The following FAM13B variants were observed in gnomAD, a reference collection of about 807,000 sequenced individuals.
The protein encoded by FAM13B is protein FAM13B.
In FAM13B, 60 loss-of-function variants were observed where a neutral mutation model predicts 117.3. That is an observed-to-expected ratio of 0.51 (90% CI 0.42 to 0.63). The LOEUF (loss-of-function observed/expected upper bound fraction) is 0.63, where lower values mean the gene tolerates loss of function less well. Among genes scored for constraint, FAM13B ranks in the 30% least tolerant of loss-of-function variants. The pLI is 0.00. For synonymous variants in FAM13B, 332 were observed against 356.1 expected, an observed-to-expected ratio of 0.93 and a Z score of 0.76; for missense variants, 972 against 1,091.9, an observed-to-expected ratio of 0.89 and a Z score of 1.55.
chr5:137,983,810 A>G (rs1350889616), intron 10 of FAM13B, among the ~76,000 whole-genome samples: 1 of 152,184 alleles, frequency 6.6e-6, no homozygotes, highest in Non-Finnish European at 1.5e-5. Flanking sequence ...GAAAAGCAAA[A>G]TGCAGTTCAG....
chr5:137,961,113 A>C (rs943242935), intron 11 of FAM13B, among the ~76,000 whole-genome samples: 2 of 152,212 alleles, frequency 1.3e-5, no homozygotes, highest in Non-Finnish European at 2.9e-5. Flanking sequence ...GCTTAAAGGC[A>C]TTCCTTTGCT....
upstream of FAM13B, among the ~76,000 whole-genome samples, chr5:138,037,971 G>A (rs1791316402): frequency 6.6e-6 from 1 of 152,068 alleles, no homozygotes. Flanking sequence ...AGTCAAATAG[G>A]GAAACAGACT....
intron 6 of FAM13B, among the ~76,000 whole-genome samples, chr5:138,008,837 A>G (rs552704666): frequency 6.6e-6 from 1 of 152,320 alleles, no homozygotes; most frequent in African/African-American, 2.4e-5. Flanking sequence ...TGGGTCACTA[A>G]AAAGTCATTA....
intron 2 of FAM13B, 29 bp from the exon 3 acceptor site, chr5:138,019,175 C>A: frequency 6.5e-7 from 1 of 1,539,422 alleles, no homozygotes; most frequent in Non-Finnish European, 8.9e-7. Flanking sequence ...AAAAAAAAGA[C>A]TATAATGATT....
chr5:137,963,733 C>G (rs1407749298), intron 10 of FAM13B, among the ~76,000 whole-genome samples: 1 of 152,162 alleles, frequency 6.6e-6, no homozygotes, highest in Admixed American at 6.6e-5. Flanking sequence ...GGAGTGAGCA[C>G]TATGGCATGA....
intron 23 of FAM13B, 116 bp downstream of exon 23, chr5:137,941,828 C>G: frequency 1.2e-6 from 1 of 815,314 alleles, no homozygotes; most frequent in Non-Finnish European, 1.9e-6. Context: ...TAAAATTTTT[C>G]AGTGCTAGCA....
chr5:137,940,903 T>C (rs78885846), intron 23 of FAM13B, among the ~76,000 whole-genome samples: 1,734 of 152,222 alleles, frequency 0.011, 27 homozygotes, highest in African/African-American at 0.04. Flanking sequence ...ATTTCTGCAC[T>C]TCAATTTATT....
chr5:138,033,112 G>A (rs376299698), upstream of FAM13B: 770 of 927,652 alleles, frequency 8.3e-4, 6 homozygotes, highest in East Asian at 0.032. Context: ...CGTGACGTGC[G>A]TGGGAGGGGG....
At chr5:138,038,249 G>T (rs1791342442) in intron 1 of FAM13B, among the ~76,000 whole-genome samples, 1 of 152,098 alleles carries the variant, frequency 6.6e-6, no homozygotes, top group Non-Finnish European at 1.5e-5. Flanking sequence ...TCTGAGCCTT[G>T]TAAGTTACAG....
chr5:137,973,066 T>C (rs1379171455), intron 10 of FAM13B, among the ~76,000 whole-genome samples: 2 of 152,100 alleles, frequency 1.3e-5, no homozygotes, highest in African/African-American at 4.8e-5. Context: ...GCCATCCCCA[T>C]CAAGCTACCA....
intron 10 of FAM13B, among the ~76,000 whole-genome samples, chr5:137,967,478 G>A (rs576066294): frequency 6.6e-6 from 1 of 152,020 alleles, no homozygotes; most frequent in African/African-American, 2.4e-5. Flanking sequence ...GGCTGAGATC[G>A]CACCACTGCA....
intron 4 of FAM13B, among the ~76,000 whole-genome samples, chr5:138,015,221 C>G (rs1401467157): frequency 6.6e-6 from 1 of 152,160 alleles, no homozygotes; most frequent in Non-Finnish European, 1.5e-5. Flanking sequence ...ATCAACAGTA[C>G]CAAGGCTGTG....
rs1561536639 is a variant in FAM13B at position 138,018,993 on chromosome 5, A to G, written c.119T>C (p.Phe40Ser). The stretch of plus-strand genomic sequence containing the variant: ...ATAGTCCACAACGTGGCGGACTATG[A>G]ATGGAACCTCATTGTCTGGATGTCC... ...QGGHPDNEVP[F>S]IVRHVVDYIE... Residue 40 changes from phenylalanine (F) to serine (S), a missense_variant, in exon 3 of 24, where the codon TTC becomes TCC. Phe to Ser is a radical substitution (Grantham distance 155, BLOSUM62 -2). Coordinates refer to ENST00000689681, the MANE Select transcript of FAM13B (RefSeq NM_001385994.1). The G allele has an allele frequency of 6.2e-7, 1 of 1,614,188 alleles. No homozygotes were observed. The highest frequency in any genetic ancestry group is 1.6e-4 in the Middle Eastern group (1 of 6,062).
rs1458823210 is a variant in FAM13B at position 137,940,047 on chromosome 5, C to G, written c.*178G>C. On this transcript the variant is annotated 3_prime_UTR_variant, in exon 24 of 24. Transcript: ENST00000689681. ...TAATATGGAACATCACTTACGCTCC[C>G]TTGAGAGGGCCTACTTACTCTCCCA... 6.2e-7 allele frequency: 1 copy of G among 1,613,740 alleles called. No individual in the cohort carries two copies.
chr5:137,992,796 T>C (rs1778945026), intron 7 of FAM13B, among the ~76,000 whole-genome samples: 1 of 152,182 alleles, frequency 6.6e-6, no homozygotes, highest in Non-Finnish European at 1.5e-5. Flanking sequence ...GGATGTAAAC[T>C]GGAATAAGTA....
At chr5:137,951,010 C>G (rs1309364277) in intron 17 of FAM13B, among the ~76,000 whole-genome samples, 1 of 151,970 alleles carries the variant, frequency 6.6e-6, no homozygotes, top group Non-Finnish European at 1.5e-5. Flanking sequence ...AGTTTTGAGA[C>G]CAGCCTGGGC....
chr5:138,040,414 T>TA (rs1791458399), intron 1 of FAM13B, among the ~76,000 whole-genome samples: 1 of 149,286 alleles, frequency 6.7e-6, no homozygotes, highest in South Asian at 2.1e-4. Context: ...CTAAAAATAT[T>TA]AAAAAAAATT....
At chr5:138,032,708 C>T in intron 1 of FAM13B, 74 bp downstream of exon 1, 1 of 985,316 alleles carries the variant, frequency 1.0e-6, no homozygotes, top group Non-Finnish European at 1.2e-6. Context: ...CGCTGGGGGG[C>T]AACAGGAGGG....
chr5:138,051,436 A>C (rs1258047543), intron 1 of FAM13B, among the ~76,000 whole-genome samples: 2 of 152,230 alleles, frequency 1.3e-5, no homozygotes, highest in East Asian at 3.8e-4. Flanking sequence ...CTATTTGCTT[A>C]AACTTTCACC....
Sources: gnomAD v4.1 joint callset for allele counts (sites outside exome capture counted in the v4.1 genomes callset) on GRCh38, gnomAD v4.1.1 for gene constraint, MANE v1.5 for transcripts, NCBI Gene and HGNC (gene_info 2026-07-23, HGNC 2026-07-21) for gene names.